Variants in CALML6 observed in about 807,000 individuals in gnomAD.
The protein encoded by CALML6 is calmodulin-like protein 6.
A neutral mutation model predicts 25.0 loss-of-function variants in CALML6; 27 were observed. That is an observed-to-expected ratio of 1.08 (90% CI 0.80 to 1.49). CALML6 has a LOEUF of 1.49. CALML6 is among the 40% of genes most tolerant of loss of function. The probability of loss-of-function intolerance (pLI) is 0.00; values close to 1 mark genes in which losing one functional copy is unlikely to be tolerated. For missense variants in CALML6, 239 were observed against 232.7 expected (o/e 1.03, Z -0.18); for synonymous variants, 97 against 87.2 (o/e 1.11, Z -0.63).
intron 1 of CALML6, 167 bp downstream of exon 1, chr1:1,915,474 C>T: frequency 7.3e-7 from 1 of 1,364,914 alleles, no homozygotes; most frequent in Non-Finnish European, 9.9e-7. Context: ...CCGCACTTAG[C>T]CTTCGGTGCC....
chr1:1,916,698 G>C, intron 3 of CALML6, 54 bp from the exon 4 acceptor site: 1 of 1,612,252 alleles, frequency 6.2e-7, no homozygotes, highest in South Asian at 1.1e-5. Flanking sequence ...AAGAGGCAAA[G>C]CCCATGGGGA....
Position 1,916,571 on chromosome 1 carries a change from C to T in CALML6, c.209C>T (p.Thr70Ile). ...ATGAGCCTGCTGGGTATCAACCCCACCAAGAGTGAGCTGGCCTCAATGGCC... is the reference window on the plus strand; with the variant it reads ...ATGAGCCTGCTGGGTATCAACCCCATCAAGAGTGAGCTGGCCTCAATGGCC... ...WLMSLLGINP[T>I]KSELASMAKD... The change falls in exon 3 of 6, where the codon ACC (threonine) becomes ATC (isoleucine). Residue 70 changes from threonine (T) to isoleucine (I), a missense_variant. Coordinates refer to ENST00000307786, the MANE Select transcript of CALML6 (RefSeq NM_138705.4). 1 of 1,611,656 alleles carries T rather than the reference C, an allele frequency of 6.2e-7. No individual in the cohort carries two copies.
Position 1,916,569 on chromosome 1 carries a change from C to T in CALML6, c.207C>T (p.Pro69=), listed in dbSNP as rs35804144. Residue 69 remains proline (P), a synonymous_variant, in exon 3 of 6, where the codon CCC becomes CCT. Transcript: ENST00000307786. ...EWLMSLLGIN[P]TKSELASMAK... Reference sequence around the variant, plus strand: ...TCATGAGCCTGCTGGGTATCAACCCCACCAAGAGTGAGCTGGCCTCAATGG... The same window carrying T: ...TCATGAGCCTGCTGGGTATCAACCCTACCAAGAGTGAGCTGGCCTCAATGG... The T allele has an allele frequency of 1.4e-3, 2,220 of 1,611,726 alleles. 6 individuals carry two copies. The highest frequency in any genetic ancestry group is 8.1e-3 in the Middle Eastern group (49 of 6,050).
intron 1 of CALML6, 118 bp downstream of exon 1, chr1:1,915,425 G>A (rs1023323191): frequency 6.7e-7 from 1 of 1,499,472 alleles, no homozygotes; most frequent in Non-Finnish European, 8.9e-7. Context: ...GGAACAGCGT[G>A]TGTGAGGGTC....
intron 1 of CALML6, 98 bp from the exon 2 acceptor site, chr1:1,915,587 C>T (rs1314613606): frequency 2.9e-6 from 4 of 1,373,894 alleles, no homozygotes; most frequent in Non-Finnish European, 4.0e-6. Context: ...GGATTTCCCA[C>T]CCATAAAAGG....
At chr1:1,916,325 C>A (rs1480535111) in intron 2 of CALML6, 116 bp from the exon 3 acceptor site, 4 of 976,560 alleles carry the variant, frequency 4.1e-6, no homozygotes, top group Non-Finnish European at 5.9e-6. Flanking sequence ...CCTCTCTTAC[C>A]ACTCACCTTG....
In CALML6 at chr1:1,915,710, A is replaced by T. The variant is rs1651085116; in HGVS notation, c.53A>T (p.Glu18Val). The T allele has an allele frequency of 6.2e-7, 1 of 1,613,266 alleles. No individual in the cohort carries two copies. The highest frequency in any genetic ancestry group is 8.5e-7 in the Non-Finnish European group (1 of 1,179,974). Reference protein sequence around the residue: ...SLQPWCHHPAESCQTTTDMTE... With the variant: ...SLQPWCHHPAVSCQTTTDMTE... ...CAGCCCTGGTGTCACCACCCTGCAG[A>T]ATCCTGTCAGACAACCACCGACATG... The change falls in exon 2 of 6, where the codon GAA becomes GTA. Residue 18 changes from glutamate to valine, a missense_variant. Glu to Val is a moderately radical substitution (Grantham distance 121). This residue lies in a region of CALML6 where 8 missense variants were observed against 21.8 expected (regional missense o/e 0.37). Coordinates refer to ENST00000307786, the MANE Select transcript of CALML6 (RefSeq NM_138705.4).
intron 3 of CALML6, 37 bp downstream of exon 3, chr1:1,916,652 G>A: frequency 6.2e-7 from 1 of 1,602,778 alleles, no homozygotes; most frequent in East Asian, 2.2e-5. Context: ...GCAGCCTCGG[G>A]GGGGCCCTGG....
intron 4 of CALML6, 27 bp downstream of exon 4, chr1:1,916,923 T>TGGGGGGGGGGGGGGGG: frequency 2.8e-6 from 1 of 361,932 alleles, no homozygotes; most frequent in South Asian, 3.0e-5. Context: ...GGGCGGGTGG[T>TGGGGGGGGGGGGGGGG]GGGCGGGCAC....
At chr1:1,917,110 G>A in intron 5 of CALML6, 36 bp downstream of exon 5, 1 of 1,608,792 alleles carries the variant, frequency 6.2e-7, no homozygotes, top group Non-Finnish European at 8.5e-7. Flanking sequence ...CGTTGGCTGG[G>A]CCGGGGCAAG....
Position 1,916,526 on chromosome 1 carries a change from C to A in CALML6, c.164C>A (p.Thr55Lys). Residue 55 changes from threonine to lysine, a missense_variant, in exon 3 of 6, where the codon ACG (threonine) becomes AAG (lysine). By Grantham distance (78) the Thr-to-Lys change is moderately conservative. This residue lies in a region of CALML6 where 231 missense variants were observed against 210.9 expected (regional missense o/e 1.10). Transcript: ENST00000307786. ...FDEEGNGEVK[T>K]GELEWLMSLL... ...GAAGAGGGCAACGGGGAGGTGAAGA[C>A]GGGGGAGCTGGAGTGGCTCATGAGC... The A allele has an allele frequency of 6.2e-7, 1 of 1,609,560 alleles. No homozygotes were observed. Among genetic ancestry groups the A allele is most frequent in the South Asian group, 1.1e-5 (1 of 90,520 alleles).
In CALML6 at chr1:1,916,864, G is replaced by C; in HGVS notation, c.366G>C (p.Glu122Asp). 1 of 1,613,162 alleles carries C rather than the reference G, an allele frequency of 6.2e-7. No individual in the cohort carries two copies. Among genetic ancestry groups the C allele is most frequent in the Non-Finnish European group, 8.5e-7 (1 of 1,179,918 alleles). The change falls in exon 4 of 6, where the codon GAG becomes GAC. Residue 122 changes from glutamate (E) to aspartate (D), a missense_variant. By Grantham distance (45) the Glu-to-Asp change is conservative. This residue lies in a region of CALML6 where 231 missense variants were observed against 210.9 expected (regional missense o/e 1.10). Coordinates refer to ENST00000307786, the MANE Select transcript of CALML6 (RefSeq NM_138705.4). ...CGGCATTCCGTGTCTTTGACAAAGAGGGCAAGGGCTACATTGACTGGAACA... is the reference window on the plus strand; with the variant it reads ...CGGCATTCCGTGTCTTTGACAAAGACGGCAAGGGCTACATTGACTGGAACA... Reference protein sequence around the residue: ...LRAAFRVFDKEGKGYIDWNTL... With the variant: ...LRAAFRVFDKDGKGYIDWNTL...
chr1:1,916,358 G>C (rs1198802199), intron 2 of CALML6, 83 bp from the exon 3 acceptor site: 1 of 1,264,374 alleles, frequency 7.9e-7, no homozygotes, highest in Non-Finnish European at 1.1e-6. Flanking sequence ...TGGAGGAATG[G>C]GTGCAGGGGG....
At chr1:1,915,335 T>A in intron 1 of CALML6, 28 bp downstream of exon 1, 1 of 1,551,028 alleles carries the variant, frequency 6.4e-7, no homozygotes, top group Non-Finnish European at 8.7e-7. Flanking sequence ...GGGACCAGGG[T>A]CCCATGAAGA....
rs1315954622 is a variant in CALML6 at position 1,917,178 on chromosome 1, C to G, written c.531C>G (p.Phe177Leu). The change falls in exon 6 of 6, where the codon TTC becomes TTG. Residue 177 changes from phenylalanine to leucine, a missense_variant. Coordinates refer to ENST00000307786, the MANE Select transcript of CALML6 (RefSeq NM_138705.4). ...EFVAMMTGES[F>L]KLIQ is the part of the protein sequence containing the mutation. ...TGGCCATGATGACGGGGGAGTCCTT[C>G]AAGCTGATCCAGTAGGTGCAGCTGC... 7 of 1,604,248 alleles carry G rather than the reference C, an allele frequency of 4.4e-6. No individual in the cohort carries two copies. The highest frequency in any genetic ancestry group is 5.9e-6 in the Non-Finnish European group (7 of 1,176,862).
intron 3 of CALML6, 65 bp from the exon 4 acceptor site, chr1:1,916,687 G>C: frequency 1.9e-6 from 3 of 1,609,270 alleles, no homozygotes; most frequent in Non-Finnish European, 2.5e-6. Context: ...CCTACGGGGG[G>C]AAGAGGCAAA....
chr1:1,915,590 A>C, intron 1 of CALML6, 95 bp from the exon 2 acceptor site: 1 of 1,410,494 alleles, frequency 7.1e-7, no homozygotes, highest in Non-Finnish European at 9.8e-7. Flanking sequence ...TTTCCCACCC[A>C]TAAAAGGCTC....
In CALML6 at chr1:1,917,052, G is replaced by A. The variant is rs1037724089; in HGVS notation, c.477G>A (p.Gly159=). 49 of 1,611,176 alleles carry A rather than the reference G, an allele frequency of 3.0e-5. No homozygotes were observed. Among genetic ancestry groups the A allele is most frequent in the Non-Finnish European group, 4.1e-5 (48 of 1,178,878 alleles). ...TGATGAAGGAGGCCGACAAGGATGG[G>A]GACAGGACCATCGACTATGAGGGTG... ...EQMMKEADKD[G]DRTIDYEEFV... is the part of the protein sequence containing the mutation. The change falls in exon 5 of 6, where the codon GGG becomes GGA. Residue 159 remains glycine, a synonymous_variant. Transcript: ENST00000307786.
chr1:1,915,696 T>C lies in CALML6; in HGVS notation c.39T>C (p.Cys13=), dbSNP rs375338040. The C allele has an allele frequency of 3.2e-5, 51 of 1,613,350 alleles. 1 individual carries two copies. The highest frequency in any genetic ancestry group is 6.7e-5 in the Admixed American group (4 of 60,004). ...CACTCTGCCCACAGCAGCCCTGGTG[T>C]CACCACCCTGCAGAATCCTGTCAGA... ...LQQEISLQPW[C]HHPAESCQTT... The change falls in exon 2 of 6, where the codon TGT becomes TGC. Residue 13 remains cysteine (C), a synonymous_variant. Transcript: ENST00000307786.
Sources: gnomAD v4.1 joint callset for allele counts on GRCh38, gnomAD v4.1.1 for gene constraint, gnomAD v4.1.1 regional missense constraint, MANE v1.5 for transcripts, NCBI Gene and HGNC (gene_info 2026-07-23, HGNC 2026-07-21) for gene names.